The following AFF3 variants were observed in gnomAD, a reference collection of about 807,000 sequenced individuals.
The protein encoded by AFF3 is ALF transcription elongation factor 3.
AFF3 carries 32 observed loss-of-function variants against 129.7 expected under a neutral mutation model. That is an observed-to-expected ratio of 0.25 (90% CI 0.19 to 0.33). The LOEUF is 0.33. AFF3 is among the 10% of genes least tolerant of loss of function. The pLI is 1.00. For synonymous variants in AFF3, 644 were observed against 635.4 expected (o/e 1.01, Z -0.20); for missense variants, 1,373 against 1,592.0 (o/e 0.86, Z 2.34).
At chr2:99,677,044 G>A (rs925134847) in intron 11 of AFF3, among the ~76,000 whole-genome samples, 5 of 152,082 alleles carry the variant, frequency 3.3e-5, no homozygotes, top group African/African-American at 9.7e-5. Flanking sequence ...CAAGGCTGGC[G>A]GATCATTGAG....
chr2:99,868,416 G>C (rs1289848572), intron 7 of AFF3, among the ~76,000 whole-genome samples: 1 of 152,172 alleles, frequency 6.6e-6, no homozygotes, highest in Non-Finnish European at 1.5e-5. Context: ...GCCGGGAGGG[G>C]AGACAGCAGG....
intron 12 of AFF3, among the ~76,000 whole-genome samples, chr2:99,653,138 G>A (rs762156490): frequency 2.6e-5 from 4 of 152,318 alleles, no homozygotes; most frequent in African/African-American, 7.2e-5. Flanking sequence ...GATGGCTTTC[G>A]CTTTAGGCCG....
At chr2:99,765,401 T>C (rs1440177155) in intron 8 of AFF3, among the ~76,000 whole-genome samples, 1 of 152,220 alleles carries the variant, frequency 6.6e-6, no homozygotes, top group Non-Finnish European at 1.5e-5. Flanking sequence ...ATAAAACCCC[T>C]GTCGCAATTG....
intron 8 of AFF3, among the ~76,000 whole-genome samples, chr2:99,815,133 G>A (rs768271329): frequency 8.1e-5 from 4 of 49,316 alleles, no homozygotes; most frequent in South Asian, 2.1e-3. Context: ...GGGCAGGGGA[G>A]GAAGTAGCCC....
intron 7 of AFF3, among the ~76,000 whole-genome samples, chr2:99,859,581 T>C (rs1217326591): frequency 6.6e-6 from 1 of 152,240 alleles, no homozygotes; most frequent in Non-Finnish European, 1.5e-5. Flanking sequence ...CACCATCATC[T>C]AGAAATGCAT....
chr2:100,063,271 A>AAAAT (rs1687453211), intron 4 of AFF3, among the ~76,000 whole-genome samples: 2 of 151,764 alleles, frequency 1.3e-5, no homozygotes, highest in African/African-American at 4.8e-5. Flanking sequence ...AAAAAAAAAA[A>AAAAT]AATGACCAGG....
intron 3 of AFF3, chr2:100,104,746 C>T: frequency 1.0e-6 from 1 of 955,936 alleles, no homozygotes; most frequent in Non-Finnish European, 1.2e-6. Context: ...CCGCCCCCGG[C>T]CCTGCGCCCG....
chr2:100,095,454 C>A (rs1227705577), intron 4 of AFF3, among the ~76,000 whole-genome samples: 2 of 152,170 alleles, frequency 1.3e-5, no homozygotes, highest in East Asian at 3.8e-4. Context: ...AGTACAGATA[C>A]CAACTATGGC....
At chr2:99,921,634 A>G (rs1283816892) in intron 7 of AFF3, among the ~76,000 whole-genome samples, 1 of 152,162 alleles carries the variant, frequency 6.6e-6, no homozygotes, top group South Asian at 2.1e-4. Context: ...TTTCAAAATA[A>G]AAAGCTTTAA....
At chr2:99,821,542 G>T (rs1055187026) in intron 8 of AFF3, among the ~76,000 whole-genome samples, 1 of 152,176 alleles carries the variant, frequency 6.6e-6, no homozygotes, top group Non-Finnish European at 1.5e-5. Context: ...AAAAGTTTAC[G>T]AATTTTTGTT....
At chr2:99,722,287 C>T (rs1424531007) in intron 11 of AFF3, among the ~76,000 whole-genome samples, 2 of 152,034 alleles carry the variant, frequency 1.3e-5, no homozygotes, top group African/African-American at 4.8e-5. Context: ...TCACATTTTC[C>T]CACTCATATG....
chr2:99,798,445 A>T (rs1017967333), intron 8 of AFF3, among the ~76,000 whole-genome samples: 1 of 151,906 alleles, frequency 6.6e-6, no homozygotes, highest in African/African-American at 2.4e-5. Flanking sequence ...TCCTGTTTTT[A>T]TTTATCCAAT....
chr2:99,730,516 CTTT>C (rs1448325264), intron 10 of AFF3, among the ~76,000 whole-genome samples: 2 of 140,480 alleles, frequency 1.4e-5, no homozygotes, highest in African/African-American at 2.7e-5. Flanking sequence ...TATACTGCAA[CTTT>C]TTTTTTTTTT....
chr2:99,581,502 T>A (rs1457140690), intron 17 of AFF3, among the ~76,000 whole-genome samples: 1 of 151,672 alleles, frequency 6.6e-6, no homozygotes, highest in Non-Finnish European at 1.5e-5. Flanking sequence ...CTTTCTCATC[T>A]TTCTTTGCAG....
intron 19 of AFF3, among the ~76,000 whole-genome samples, chr2:99,567,278 C>G (rs539451138): frequency 6.6e-6 from 1 of 151,982 alleles, no homozygotes; most frequent in African/African-American, 2.4e-5. Context: ...CCGTGCCTGG[C>G]CTATAATGCA....
chr2:99,552,679 G>C (rs1674516419), intron 24 of AFF3, among the ~76,000 whole-genome samples: 1 of 152,146 alleles, frequency 6.6e-6, no homozygotes, highest in Non-Finnish European at 1.5e-5. Flanking sequence ...GCCAGGGCAG[G>C]GATCCAGGGG....
At chr2:99,777,862 C>T (rs1198322751) in intron 8 of AFF3, among the ~76,000 whole-genome samples, 1 of 148,292 alleles carries the variant, frequency 6.7e-6, no homozygotes, top group African/African-American at 2.5e-5. Context: ...CAGGCTGTGT[C>T]CTGTACACCC....
chr2:99,872,593 C>CT (rs1558934287), intron 7 of AFF3, among the ~76,000 whole-genome samples: 3,969 of 120,842 alleles, frequency 0.033, 84 homozygotes, highest in South Asian at 0.059. Flanking sequence ...ATGCTTCTTA[C>CT]AAAAATAAAA....
intron 7 of AFF3, among the ~76,000 whole-genome samples, chr2:99,854,716 T>C (rs1366763): frequency 0.8 from 121,359 of 152,068 alleles, 48,997 homozygotes; most frequent in South Asian, 0.93. Context: ...TTGGCCTCTT[T>C]TCCACTCAAC....
Sources: gnomAD v4.1 joint callset for allele counts (sites outside exome capture counted in the v4.1 genomes callset) on GRCh38, gnomAD v4.1.1 for gene constraint, MANE v1.5 for transcripts, NCBI Gene and HGNC (gene_info 2026-07-23, HGNC 2026-07-21) for gene names.